Variants in DR1 observed in about 807,000 individuals in gnomAD.
DR1 encodes protein Dr1.
DR1 carries 7 observed loss-of-function variants against 19.9 expected under a neutral mutation model. That is an observed-to-expected ratio of 0.35 (90% confidence interval 0.20 to 0.66). The LOEUF (loss-of-function observed/expected upper bound fraction) is 0.66, where lower values mean the gene tolerates loss of function less well. Ranked by LOEUF, DR1 falls within the 30% of genes least tolerant of loss-of-function variation. DR1 has a pLI of 0.66. For missense variants in DR1, 98 were observed against 203.7 expected, an observed-to-expected ratio of 0.48 and a Z score of 3.16; for synonymous variants, 76 against 72.5, an observed-to-expected ratio of 1.05 and a Z score of -0.24.
rs1489126573 is a variant in DR1 at position 93,364,968 on chromosome 1, C to T, written c.*4329C>T. ...TCCCGGGTTCACGCCATTCTCCTGC[C>T]TCAGCCTCCTGAGTAGCTGGGACTA... is the stretch of plus-strand genomic sequence containing the variant. On this transcript the variant is annotated 3_prime_UTR_variant, in exon 3 of 3. Coordinates refer to ENST00000370272, the MANE Select transcript of DR1 (RefSeq NM_001938.3). 4 of 151,530 alleles carry T rather than the reference C, an allele frequency of 2.6e-5. No homozygotes were observed. The highest frequency in any genetic ancestry group is 9.7e-5 in the African/African-American group (4 of 41,162). The allele number at this position is 151,530 out of a possible 1,614,324, so 9.4% of individuals were successfully genotyped here. A position where few individuals can be genotyped will look rare whatever the true frequency, so the allele number is the denominator to read the frequency against.
intron 1 of DR1, among the ~76,000 whole-genome samples, chr1:93,351,436 CTTTTTTTTTTTTTT>C (rs397862048): frequency 2.5e-3 from 256 of 103,814 alleles, no homozygotes; most frequent in African/African-American, 9.2e-3. Flanking sequence ...GATTTTCTTT[CTTTTTTTTTTTTTT>C]TTTTTTTTTG....
At chr1:93,346,912 GTC>G in intron 1 of DR1, 47 bp downstream of exon 1, 1 of 1,504,532 alleles carries the variant, frequency 6.6e-7, no homozygotes, top group African/African-American at 1.4e-5. Context: ...TAGGGTAGCA[GTC>G]TGCTAATCGC....
intron 2 of DR1, chr1:93,355,606 C>T (rs1311550205): frequency 6.6e-6 from 1 of 152,186 alleles, no homozygotes; most frequent in Non-Finnish European, 1.5e-5. Flanking sequence ...TTATCCTTGC[C>T]AGGGCAAAAT....
chr1:93,362,344 G>A lies in DR1; in HGVS notation c.*1705G>A, dbSNP rs192203137. On this transcript the variant is annotated 3_prime_UTR_variant, in exon 3 of 3. Transcript: ENST00000370272. ...CTAGTCTAGAACGATAAGTTAATAC[G>A]TGTTGGCTTTTCTAATTTGTACTGT... The A allele has an allele frequency of 2.0e-5, 3 of 152,122 alleles. No individual in the cohort carries two copies. Among genetic ancestry groups the A allele is most frequent in the East Asian group, 1.9e-4 (1 of 5,192 alleles). 9.4% of individuals were successfully genotyped at this position (152,122 alleles called of 1,614,324 possible).
chr1:93,355,745 C>A (rs1029650607), intron 2 of DR1: 10 of 152,040 alleles, frequency 6.6e-5, no homozygotes, highest in African/African-American at 2.4e-4. Context: ...TCTAGTATTT[C>A]TTTACTATTG....
chr1:93,351,472 CGCTGTCAG>C (rs992240163), intron 1 of DR1, among the ~76,000 whole-genome samples: 1 of 137,378 alleles, frequency 7.3e-6, no homozygotes, highest in African/African-American at 2.8e-5. Flanking sequence ...GACAGAGTCA[CGCTGTCAG>C]GCTGGAGTGC....
chr1:93,347,984 C>G (rs939738642), intron 1 of DR1, among the ~76,000 whole-genome samples: 1 of 151,992 alleles, frequency 6.6e-6, no homozygotes, highest in Non-Finnish European at 1.5e-5. Context: ...TATAATTTAA[C>G]TTTTTAAAAT....
intron 2 of DR1, among the ~76,000 whole-genome samples, 185 bp downstream of exon 2, chr1:93,354,256 G>A (rs1666951876): frequency 6.6e-6 from 1 of 152,076 alleles, no homozygotes; most frequent in African/African-American, 2.4e-5. Context: ...GCAGCAATCT[G>A]TTCTAAAGAG....
At position 93,361,957 on chromosome 1, in the gene DR1, A is replaced by G. The variant is rs1667059078; in HGVS notation, c.*1318A>G. On this transcript the variant is annotated 3_prime_UTR_variant, in exon 3 of 3. Transcript: ENST00000370272. ...TAATGTCTATATTTTGGAAACAGAA[A>G]GGAAAAGTCACTTAAGATAGTATTA... The G allele has an allele frequency of 6.6e-6, 1 of 152,524 alleles. No individual in the cohort carries two copies. Among genetic ancestry groups the G allele is most frequent in the South Asian group, 2.1e-4 (1 of 4,828 alleles). 9.4% of individuals were successfully genotyped at this position (152,524 alleles called of 1,614,324 possible). A position where few individuals can be genotyped will look rare whatever the true frequency, so the allele number is the denominator to read the frequency against.
chr1:93,357,934 A>G (rs1667010712), intron 2 of DR1, among the ~76,000 whole-genome samples: 1 of 152,186 alleles, frequency 6.6e-6, no homozygotes, highest in South Asian at 2.1e-4. Flanking sequence ...GAGACTGACT[A>G]CTTGGATGAG....
chr1:93,347,473 A>G (rs770473223), intron 1 of DR1, among the ~76,000 whole-genome samples: 59 of 152,314 alleles, frequency 3.9e-4, no homozygotes, highest in Middle Eastern at 3.4e-3. Flanking sequence ...ATTCTGTAAG[A>G]ATAGGGTGAA....
rs1570713771 is a variant in DR1 at position 93,360,783 on chromosome 1, A to G, written c.*144A>G. The G allele has an allele frequency of 8.9e-6, 8 of 894,758 alleles. No individual in the cohort carries two copies. In the East Asian group the frequency reaches 2.0e-4, roughly 23 times the overall value. 55.4% of individuals were successfully genotyped at this position (894,758 alleles called of 1,614,324 possible). On this transcript the variant is annotated 3_prime_UTR_variant, in exon 3 of 3. Coordinates refer to ENST00000370272, the MANE Select transcript of DR1 (RefSeq NM_001938.3). ...CTAGGGATGTCTGCTATTAAGTTTCATCTATTGTGTGCTATACATGTAAAA... is the reference window on the plus strand; with the variant it reads ...CTAGGGATGTCTGCTATTAAGTTTCGTCTATTGTGTGCTATACATGTAAAA...
chr1:93,360,366 A>G (rs1570713578), intron 2 of DR1, 127 bp from the exon 3 acceptor site: 2 of 775,602 alleles, frequency 2.6e-6, no homozygotes, highest in East Asian at 3.3e-5. Context: ...ACAATTACAT[A>G]GTACTTGGAC....
In DR1 at chr1:93,369,334, T is replaced by C. The variant is rs759048111; in HGVS notation, c.*8695T>C. The C allele has an allele frequency of 5.3e-5, 8 of 152,160 alleles. No homozygotes were observed. Among genetic ancestry groups the C allele is most frequent in the Non-Finnish European group, 1.2e-4 (8 of 68,028 alleles). The allele number at this position is 152,160 out of a possible 1,614,324, so 9.4% of individuals were successfully genotyped here. ...ATAAGCCTGCCTGAGGATAGCAAAATTGTGTGCTTTTGCAAGGTAATTGTA... is the reference window on the plus strand; with the variant it reads ...ATAAGCCTGCCTGAGGATAGCAAAACTGTGTGCTTTTGCAAGGTAATTGTA... On this transcript the variant is annotated 3_prime_UTR_variant, in exon 3 of 3. Transcript: ENST00000370272.
At chr1:93,352,443 GTTAAC>G (rs1307637644) in intron 1 of DR1, among the ~76,000 whole-genome samples, 2 of 152,198 alleles carry the variant, frequency 1.3e-5, no homozygotes, top group Admixed American at 6.5e-5. Flanking sequence ...GGGGAAGTGA[GTTAAC>G]TTAATAATAG....
intron 1 of DR1, among the ~76,000 whole-genome samples, chr1:93,351,718 G>A (rs1321641285): frequency 6.6e-6 from 1 of 152,216 alleles, no homozygotes; most frequent in Admixed American, 6.5e-5. Flanking sequence ...TTACAGGCAT[G>A]AGCCACCATG....
At chr1:93,355,787 G>A (rs1015063318) in intron 2 of DR1, 29 of 152,092 alleles carry the variant, frequency 1.9e-4, no homozygotes, top group Non-Finnish European at 2.5e-4. Context: ...TAATATTATA[G>A]CAGTTGCCTA....
Position 93,361,725 on chromosome 1 carries a change from G to A in DR1, c.*1086G>A, listed in dbSNP as rs1667054951. On this transcript the variant is annotated 3_prime_UTR_variant, in exon 3 of 3. Transcript: ENST00000370272. The stretch of plus-strand genomic sequence containing the variant: ...AGTGATAGCTTTAAAAAAAAGATTA[G>A]TTTTGCTTAAGAAGTTATGTTACAA... 6.6e-6 allele frequency: 1 copy of A among 152,296 alleles called. No individual in the cohort carries two copies. The highest frequency in any genetic ancestry group is 6.6e-5 in the Admixed American group (1 of 15,252). 9.4% of individuals were successfully genotyped at this position (152,296 alleles called of 1,614,324 possible). A position where few individuals can be genotyped will look rare whatever the true frequency, so the allele number is the denominator to read the frequency against.
intron 1 of DR1, among the ~76,000 whole-genome samples, chr1:93,349,267 A>T (rs540857837): frequency 1.2e-3 from 175 of 151,898 alleles, no homozygotes; most frequent in African/African-American, 3.4e-3. Flanking sequence ...ATTTAAAAAA[A>T]TTTTTTTTTC....
Sources: gnomAD v4.1 joint callset for allele counts (sites outside exome capture counted in the v4.1 genomes callset) on GRCh38, gnomAD v4.1.1 for gene constraint, MANE v1.5 for transcripts, NCBI Gene and HGNC (gene_info 2026-07-23, HGNC 2026-07-21) for gene names.